The following RNF123 variants were observed in gnomAD, a reference collection of about 807,000 sequenced individuals.
RNF123 encodes ring finger protein 123, also known as E3 ubiquitin-protein ligase RNF123.
A neutral mutation model predicts 168.5 loss-of-function variants in RNF123; 86 were observed. That is an observed-to-expected ratio of 0.51 (90% CI 0.43 to 0.61). The LOEUF is 0.61. Among genes scored for constraint, RNF123 ranks in the 20% least tolerant of loss-of-function variants. The pLI, the probability that RNF123 is intolerant of heterozygous loss-of-function variation, is 0.00. For missense variants in RNF123, 1,419 were observed against 1,729.7 expected (o/e 0.82, Z 3.19); for synonymous variants, 666 against 689.1 (o/e 0.97, Z 0.52).
At chr3:49,698,654 G>A in intron 8 of RNF123, 101 bp from the exon 9 acceptor site, 5 of 1,538,154 alleles carry the variant, frequency 3.3e-6, no homozygotes, top group Non-Finnish European at 4.5e-6. Context: ...CTTTGTCCTT[G>A]TGGCTAGTCT....
At chr3:49,707,716 C>A (rs2054545378) in intron 26 of RNF123, among the ~76,000 whole-genome samples, 1 of 152,070 alleles carries the variant, frequency 6.6e-6, no homozygotes, top group Non-Finnish European at 1.5e-5. Flanking sequence ...TCTCATGGCT[C>A]TTTTGCAAAA....
At chr3:49,701,303 G>A (rs1030118934) in intron 15 of RNF123, among the ~76,000 whole-genome samples, 188 bp from the exon 16 acceptor site, 6 of 152,244 alleles carry the variant, frequency 3.9e-5, no homozygotes, top group African/African-American at 1.4e-4. Context: ...ACTGGAGCTG[G>A]TGGGCTTAAC....
At position 49,697,454 on chromosome 3, in the gene RNF123, G is replaced by A. The variant is rs755594114; in HGVS notation, c.339G>A (p.Leu113=). The part of the protein sequence containing the change: ...EGLLLVDDDL[L]GVIGHSNFGT... Reference sequence around the variant, plus strand: ...TTCTCCTGGTGGATGATGACCTGCTGGGGGTGAGTGAGGGTGAGGTGTGGA... The same window carrying A: ...TTCTCCTGGTGGATGATGACCTGCTAGGGGTGAGTGAGGGTGAGGTGTGGA... The change falls in exon 5 of 39, where the codon CTG becomes CTA. Residue 113 remains leucine, a synonymous_variant. Transcript: ENST00000327697. 1.2e-6 allele frequency: 2 copies of A among 1,601,708 alleles called. No individual in the cohort carries two copies. The highest frequency in any genetic ancestry group is 2.2e-5 in the South Asian group (2 of 89,008).
Position 49,719,525 on chromosome 3 carries a change from A to G in RNF123, c.3501-986A>G, listed in dbSNP as rs534182074. On this transcript the variant is annotated intron_variant, in intron 35 of 38. Transcript: ENST00000327697. ...TGTGCAGGTTGCAGTTCCAGGACTC[A>G]CCCTCTTCTGCTCTAGTGCGACATG... 80 of 1,401,422 alleles carry G rather than the reference A, an allele frequency of 5.7e-5. No homozygotes were observed. In the East Asian group the frequency reaches 1.7e-3, roughly 29 times the overall value. 86.8% of individuals were successfully genotyped at this position (1,401,422 alleles called of 1,614,324 possible).
rs2054329384 is a variant in RNF123 at position 49,699,353 on chromosome 3, G to A, written c.765-115G>A. 3.9e-6 allele frequency: 4 copies of A among 1,023,604 alleles called. No individual in the cohort carries two copies. Among genetic ancestry groups the A allele is most frequent in the East Asian group, 2.6e-5 (1 of 38,176 alleles). 63.4% of individuals were successfully genotyped at this position (1,023,604 alleles called of 1,614,324 possible). ...CCTAGGGAGAATAAGTGGGCAAGTT[G>A]TGATGCAAACCAGCCCTGCCCTAGA... is the stretch of plus-strand genomic sequence containing the variant. On this transcript the variant is annotated intron_variant, in intron 10 of 38. Transcript: ENST00000327697. This position sits in a 1 kb window ranked among gnomAD's most constrained non-coding sequence, Gnocchi z 4.8.
intron 34 of RNF123, 60 bp from the exon 35 acceptor site, chr3:49,716,333 C>T: frequency 6.3e-7 from 1 of 1,581,016 alleles, no homozygotes. Flanking sequence ...GTGGGCAGGC[C>T]TGGAGCCCTT....
chr3:49,699,236 T>G lies in RNF123; in HGVS notation c.764+131T>G. On this transcript the variant is annotated intron_variant, in intron 10 of 38. Transcript: ENST00000327697. The surrounding 1 kb of genome is among the most constrained non-coding windows in gnomAD (Gnocchi z 4.8). ...CTGCTGCAGAGTTAGTGGGGGGCCA[T>G]GTAGAGTGTCGAAGAAAACTTTCCT... 1 of 1,299,112 alleles carries G rather than the reference T, an allele frequency of 7.7e-7. No homozygotes were observed. The allele number at this position is 1,299,112 out of a possible 1,614,324, so 80.5% of individuals were successfully genotyped here. A position where few individuals can be genotyped will look rare whatever the true frequency, so the allele number is the denominator to read the frequency against.
rs751028744 is a variant in RNF123, at chr3:49,702,657, G to C, written c.1654G>C (p.Glu552Gln). 1 of 1,614,094 alleles carries C rather than the reference G, an allele frequency of 6.2e-7. No individual in the cohort carries two copies. Among genetic ancestry groups the C allele is most frequent in the Non-Finnish European group, 8.5e-7 (1 of 1,180,034 alleles). The part of the protein sequence containing the change: ...RGNMPMLCPP[E>Q]YMVCFLHRLI... The stretch of plus-strand genomic sequence containing the variant: ...GAACATGCCCATGCTCTGCCCCCCT[G>C]AGTACATGGTCTGCTTCTTACACCG... Residue 552 changes from glutamate (E) to glutamine (Q), a missense_variant, in exon 20 of 39, where the codon GAG becomes CAG. By Grantham distance (29) the Glu-to-Gln change is conservative (BLOSUM62 2). This residue lies in a region of RNF123 where 349 missense variants were observed against 344.9 expected (regional missense o/e 1.01). Transcript: ENST00000327697.
intron 35 of RNF123, chr3:49,719,640 T>C (rs558600304): frequency 1.7e-6 from 1 of 602,996 alleles, no homozygotes; most frequent in South Asian, 2.1e-5. Flanking sequence ...TGTGAGGCGG[T>C]GCGGCACTCT....
chr3:49,715,729 G>C lies in RNF123; in HGVS notation c.3150+15G>C. 1 of 1,614,238 alleles carries C rather than the reference G, an allele frequency of 6.2e-7. No individual in the cohort carries two copies. The highest frequency in any genetic ancestry group is 1.3e-5 in the African/African-American group (1 of 75,064). Reference sequence around the variant, plus strand: ...TGATCCAAGAGGTGGGCTGTGGTGGGGCCTCGTGGGTTAGGGTGGTGCAAG... The same window carrying C: ...TGATCCAAGAGGTGGGCTGTGGTGGCGCCTCGTGGGTTAGGGTGGTGCAAG... On this transcript the variant is annotated intron_variant, in intron 32 of 38. Coordinates refer to ENST00000327697, the MANE Select transcript of RNF123 (RefSeq NM_022064.5).
chr3:49,702,902 A>G, intron 20 of RNF123, 149 bp downstream of exon 20: 3 of 1,229,252 alleles, frequency 2.4e-6, no homozygotes, highest in Non-Finnish European at 3.4e-6. Flanking sequence ...ACCCAGCCAC[A>G]GGCGGCTTCT....
intron 35 of RNF123, chr3:49,718,248 G>A (rs768260600): frequency 6.2e-7 from 1 of 1,612,220 alleles, no homozygotes; most frequent in Non-Finnish European, 8.5e-7. Flanking sequence ...AGCAGCGGCA[G>A]GGTGGGGCGA....
intron 24 of RNF123, 105 bp downstream of exon 24, chr3:49,705,784 C>T (rs1387497729): frequency 1.8e-5 from 28 of 1,546,186 alleles, no homozygotes; most frequent in East Asian, 2.3e-5. Context: ...TGTTCAAGAC[C>T]GTGCATGGGA....
chr3:49,689,588 G>C lies in RNF123; in HGVS notation c.-55G>C, dbSNP rs1438191499. On this transcript the variant is annotated 5_prime_UTR_variant, in exon 1 of 39. Coordinates refer to ENST00000327697, the MANE Select transcript of RNF123 (RefSeq NM_022064.5). ...TTGGGCGGATGTTGTGAGCCGGGTCGCTGCGGCCGAGGCTCCGGGTGAGTG... is the reference window on the plus strand; with the variant it reads ...TTGGGCGGATGTTGTGAGCCGGGTCCCTGCGGCCGAGGCTCCGGGTGAGTG... The C allele has an allele frequency of 1.3e-5, 2 of 152,522 alleles. No individual in the cohort carries two copies. The highest frequency in any genetic ancestry group is 2.4e-5 in the African/African-American group (1 of 41,480). 9.4% of individuals were successfully genotyped at this position (152,522 alleles called of 1,614,324 possible). A position where few individuals can be genotyped will look rare whatever the true frequency, so the allele number is the denominator to read the frequency against.
rs776708211 is a variant in RNF123, at chr3:49,705,004, T to C, written c.1980T>C (p.Ala660=). 5 of 1,607,602 alleles carry C rather than the reference T, an allele frequency of 3.1e-6. No homozygotes were observed. Among genetic ancestry groups the C allele is most frequent in the Non-Finnish European group, 4.2e-6 (5 of 1,178,046 alleles). ...TGCAGCGCCCCATGCAGGCCCTGGC[T>C]GTTGGGGGGCCACTGCCCCTGCCCC... The part of the protein sequence containing the change: ...AMAQRPMQAL[A]VGGPLPLPRP... Residue 660 remains alanine (A), a synonymous_variant, in exon 23 of 39, where the codon GCT becomes GCC. Transcript: ENST00000327697.
At chr3:49,716,694 G>A (rs2080251450) in intron 35 of RNF123, 2 of 514,724 alleles carry the variant, frequency 3.9e-6, no homozygotes, top group Admixed American at 3.4e-5. Context: ...CAGGACAGGT[G>A]GCCCTGGCCC....
rs374314448 is a variant in RNF123, at chr3:49,691,838, C to T, written c.167+329C>T. Among the ~76,000 whole-genome samples, 1,010 of 152,350 alleles carry T rather than the reference C, an allele frequency of 6.6e-3. 17 individuals carry two copies. The highest frequency in any genetic ancestry group is 0.023 in the African/African-American group (960 of 41,572). ...GCCCTCACCTTGGCCCCAGCCTGGC[C>T]CCTTGTAGCTTCTGACTGACCTTGT... On this transcript the variant is annotated intron_variant, in intron 3 of 38. Transcript: ENST00000327697.
At chr3:49,718,633 GC>G (rs771486122) in intron 35 of RNF123, 1 of 1,613,018 alleles carries the variant, frequency 6.2e-7, no homozygotes, top group South Asian at 1.1e-5. Context: ...TAGGCCAAGA[GC>G]TGGGGCCGAC....
intron 24 of RNF123, 148 bp downstream of exon 24, chr3:49,705,827 T>G (rs538374597): frequency 2.1e-6 from 3 of 1,448,888 alleles, no homozygotes; most frequent in African/African-American, 1.4e-5. Flanking sequence ...TTTCTGCTCC[T>G]GCTGCCTCAG....
Sources: allele counts gnomAD v4.1 joint callset (sites outside exome capture counted in the v4.1 genomes callset), GRCh38; gene constraint gnomAD v4.1.1; regional missense constraint gnomAD v4.1.1; non-coding constraint Gnocchi (gnomAD v3.1); transcripts MANE v1.5; gene names NCBI Gene and HGNC (gene_info 2026-07-23, HGNC 2026-07-21).